The following VASH1 variants were observed in gnomAD, a reference collection of about 807,000 sequenced individuals.
The protein encoded by VASH1 is tubulinyl-Tyr carboxypeptidase 1.
Under a neutral mutation model 35.0 loss-of-function variants are expected in VASH1, and 16 were observed. That is an observed-to-expected ratio of 0.46 (90% CI 0.31 to 0.70). The LOEUF (loss-of-function observed/expected upper bound fraction) is 0.70. Among genes scored for constraint, VASH1 ranks in the 30% least tolerant of loss-of-function variants. The pLI, the probability that VASH1 is intolerant of heterozygous loss-of-function variation, is 0.05. For missense variants in VASH1, 505 were observed against 510.7 expected, an observed-to-expected ratio of 0.99 and a Z score of 0.11; for synonymous variants, 214 against 200.9, an observed-to-expected ratio of 1.07 and a Z score of -0.55.
chr14:76,763,278 G>T, intron 1 of VASH1, 148 bp downstream of exon 1: 1 of 848,280 alleles, frequency 1.2e-6, no homozygotes. Context: ...ACCTGTCTAG[G>T]AGAACTTTCT....
intron 1 of VASH1, among the ~76,000 whole-genome samples, chr14:76,766,997 C>T (rs563263614): frequency 1.7e-4 from 26 of 152,238 alleles, no homozygotes; most frequent in African/African-American, 6.0e-4. Flanking sequence ...GTAATCCCAG[C>T]ACTTTGGGAG....
chr14:76,769,512 AC>A (rs1490591623), intron 1 of VASH1: 1 of 1,285,766 alleles, frequency 7.8e-7, no homozygotes, highest in Non-Finnish European at 1.0e-6. Flanking sequence ...CCTCAGGACC[AC>A]TCCCAAAGCC....
chr14:76,765,028 C>T lies in VASH1; in HGVS notation c.309+1898C>T, dbSNP rs187775560. ...ACCTTTACTTATGTGCTTTATCAAG[C>T]GGCAAGACTGGGTTTTGCTCAGATC... On this transcript the variant is annotated intron_variant, in intron 1 of 6. Coordinates refer to ENST00000167106, the MANE Select transcript of VASH1 (RefSeq NM_014909.5). Among the ~76,000 whole-genome samples, 46 of 152,182 alleles carry T rather than the reference C, an allele frequency of 3.0e-4. No homozygotes were observed. The East Asian group carries it at 5.4e-3, about 18-fold the overall frequency.
At chr14:76,771,099 G>C (rs752515807) in intron 2 of VASH1, 91 bp from the exon 3 acceptor site, 123 of 1,225,624 alleles carry the variant, frequency 1.0e-4, no homozygotes, top group Non-Finnish European at 1.2e-4. Flanking sequence ...CTCCCCTCCA[G>C]GAGACTTGGC....
In VASH1 at chr14:76,780,826, G is replaced by A. The variant is rs536623862; in HGVS notation, c.*1808G>A. On this transcript the variant is annotated 3_prime_UTR_variant, in exon 7 of 7. Coordinates refer to ENST00000167106, the MANE Select transcript of VASH1 (RefSeq NM_014909.5). ...CTGAAGTAGAGAGAGCTCGTGCTGGGGAGAAGTCCACCAAGATGCTTTGAG... is the reference window on the plus strand; with the variant it reads ...CTGAAGTAGAGAGAGCTCGTGCTGGAGAGAAGTCCACCAAGATGCTTTGAG... 72 of 152,350 alleles carry A rather than the reference G, an allele frequency of 4.7e-4. No homozygotes were observed. Among genetic ancestry groups the A allele is most frequent in the African/African-American group, 1.6e-3 (68 of 41,554 alleles). The allele number at this position is 152,350 out of a possible 1,614,324, so 9.4% of individuals were successfully genotyped here.
At position 76,778,007 on chromosome 14, in the gene VASH1, G is replaced by T; in HGVS notation, c.961G>T (p.Asp321Tyr). The T allele has an allele frequency of 6.5e-7, 1 of 1,548,482 alleles. No individual in the cohort carries two copies. Among genetic ancestry groups the T allele is most frequent in the Non-Finnish European group, 8.7e-7 (1 of 1,148,288 alleles). ...CTCTCCCACCAAGGACCGGAAGAAG[G>T]ATGTTTCTTCCCCGCAGCGGGCCCA... is the stretch of plus-strand genomic sequence containing the variant. ...PPSPTKDRKK[D>Y]VSSPQRAQSS... The change falls in exon 6 of 7, where the codon GAT becomes TAT. Residue 321 changes from aspartate (D) to tyrosine (Y), a missense_variant. By Grantham distance (160) the Asp-to-Tyr change is radical. Coordinates refer to ENST00000167106, the MANE Select transcript of VASH1 (RefSeq NM_014909.5).
chr14:76,765,440 C>T (rs1428909465), intron 1 of VASH1, among the ~76,000 whole-genome samples: 2 of 152,182 alleles, frequency 1.3e-5, no homozygotes, highest in Non-Finnish European at 2.9e-5. Context: ...GGTCCCTCCT[C>T]TACCTGGGCT....
chr14:76,761,505 A>C lies in VASH1; in HGVS notation c.-1317A>C, dbSNP rs969724811. ...CGAGCCTGGTGGGCGGCTGGCTGGC[A>C]GGGGACGTGGTCGGCGGCAGCGGGG... is the stretch of plus-strand genomic sequence containing the variant. On this transcript the variant is annotated 5_prime_UTR_variant, in exon 1 of 7. Coordinates refer to ENST00000167106, the MANE Select transcript of VASH1 (RefSeq NM_014909.5). The C allele has an allele frequency of 1.3e-5, 2 of 152,936 alleles. No individual in the cohort carries two copies. Among genetic ancestry groups the C allele is most frequent in the Non-Finnish European group, 2.9e-5 (2 of 68,144 alleles). 9.5% of individuals were successfully genotyped at this position (152,936 alleles called of 1,614,324 possible). A position where few individuals can be genotyped will look rare whatever the true frequency, so the allele number is the denominator to read the frequency against.
Position 76,778,051 on chromosome 14 carries a change from G to T in VASH1, c.1005G>T (p.Arg335Ser). The change falls in exon 6 of 7, where the codon AGG becomes AGT. Residue 335 changes from arginine (R) to serine (S), a missense_variant. By Grantham distance (110) the Arg-to-Ser change is moderately radical. Coordinates refer to ENST00000167106, the MANE Select transcript of VASH1 (RefSeq NM_014909.5). Reference protein sequence around the residue: ...PQRAQSSPHRRNSRSERRPSG... With the variant: ...PQRAQSSPHRSNSRSERRPSG... ...GGGCCCAGTCCAGCCCCCACCGCAG[G>T]AACAGCCGCAGTGAAAGACGGTGAG... 1 of 1,511,512 alleles carries T rather than the reference G, an allele frequency of 6.6e-7. No individual in the cohort carries two copies. Among genetic ancestry groups the T allele is most frequent in the South Asian group, 1.3e-5 (1 of 77,702 alleles). 93.6% of individuals were successfully genotyped at this position (1,511,512 alleles called of 1,614,324 possible).
Position 76,768,496 on chromosome 14 carries a change from C to A in VASH1, c.310-1467C>A, listed in dbSNP as rs140827069. Among the ~76,000 whole-genome samples, 563 of 152,186 alleles carry A rather than the reference C, an allele frequency of 3.7e-3. 2 individuals carry two copies. Among genetic ancestry groups the A allele is most frequent in the African/African-American group, 0.013 (544 of 41,524 alleles). On this transcript the variant is annotated intron_variant, in intron 1 of 6. Coordinates refer to ENST00000167106, the MANE Select transcript of VASH1 (RefSeq NM_014909.5). ...CGACGCTGTGGCCCTGGACCAGGGC[C>A]CCTTCCCTCCTGCGTCTCCACCCCT...
At chr14:76,767,010 C>T (rs1403691771) in intron 1 of VASH1, among the ~76,000 whole-genome samples, 2 of 151,976 alleles carry the variant, frequency 1.3e-5, no homozygotes, top group Non-Finnish European at 2.9e-5. Flanking sequence ...TTTGGGAGGT[C>T]GAAGCAGGTG....
chr14:76,763,586 C>T (rs1442786530), intron 1 of VASH1, among the ~76,000 whole-genome samples: 2 of 152,164 alleles, frequency 1.3e-5, no homozygotes, highest in African/African-American at 2.4e-5. Context: ...AGTTTGGATT[C>T]CCATTTTACA....
At position 76,777,962 on chromosome 14, in the gene VASH1, G is replaced by A; in HGVS notation, c.916G>A (p.Gly306Ser). 1 of 1,518,694 alleles carries A rather than the reference G, an allele frequency of 6.6e-7. No individual in the cohort carries two copies. Among genetic ancestry groups the A allele is most frequent in the Non-Finnish European group, 8.8e-7 (1 of 1,134,352 alleles). 94.1% of individuals were successfully genotyped at this position (1,518,694 alleles called of 1,614,324 possible). Residue 306 changes from glycine (G) to serine (S), a missense_variant, in exon 6 of 7, where the codon GGC becomes AGC. Coordinates refer to ENST00000167106, the MANE Select transcript of VASH1 (RefSeq NM_014909.5). Reference protein sequence around the residue: ...RHARDMRLKIGKGTGPPSPTK... With the variant: ...RHARDMRLKISKGTGPPSPTK... ...TTGCTTCCTCCTCTGCACCTAGATT[G>A]GCAAAGGGACGGGCCCTCCCTCTCC...
At chr14:76,775,335 G>A (rs1411743369) in intron 4 of VASH1, among the ~76,000 whole-genome samples, 4 of 152,124 alleles carry the variant, frequency 2.6e-5, no homozygotes, top group African/African-American at 7.2e-5. Flanking sequence ...CTGGAGAGGT[G>A]AGCAGGTGGG....
At position 76,763,130 on chromosome 14, in the gene VASH1, G is replaced by A; in HGVS notation, c.309G>A (p.Lys103=). 1.4e-6 allele frequency: 2 copies of A among 1,467,752 alleles called. No homozygotes were observed. Among genetic ancestry groups the A allele is most frequent in the South Asian group, 2.9e-5 (2 of 68,488 alleles). 90.9% of individuals were successfully genotyped at this position (1,467,752 alleles called of 1,614,324 possible). ...QRIRGATDLP[K]IPIPSVPTFQ... Reference sequence around the variant, plus strand: ...TCCGTGGGGCCACAGACCTGCCCAAGGTGAGACACACGGGTCAGGGGGGTG... The same window carrying A: ...TCCGTGGGGCCACAGACCTGCCCAAAGTGAGACACACGGGTCAGGGGGGTG... The change falls in exon 1 of 7, where the codon AAG becomes AAA. Residue 103 remains lysine, a splice_region_variant and synonymous_variant. Transcript: ENST00000167106.
chr14:76,771,060 G>C (rs865947682), intron 2 of VASH1, 130 bp from the exon 3 acceptor site: 1 of 721,278 alleles, frequency 1.4e-6, no homozygotes, highest in East Asian at 3.1e-5. Context: ...GGCGTGAGGC[G>C]GGGAGAAGAA....
intron 6 of VASH1, 93 bp downstream of exon 6, chr14:76,778,164 A>T: frequency 2.1e-6 from 2 of 940,738 alleles, no homozygotes; most frequent in Non-Finnish European, 1.4e-6. Flanking sequence ...TCTCTCTCCC[A>T]CCCTTCTCTC....
intron 4 of VASH1, among the ~76,000 whole-genome samples, chr14:76,775,292 G>C (rs1436095874): frequency 6.6e-6 from 1 of 152,184 alleles, no homozygotes. Context: ...GGAAAAGGCC[G>C]GTGTGAGAAA....
At chr14:76,778,848 T>C (rs1595280776) in intron 6 of VASH1, 98 bp from the exon 7 acceptor site, 6 of 1,190,032 alleles carry the variant, frequency 5.0e-6, no homozygotes, top group Non-Finnish European at 6.3e-6. Flanking sequence ...TTGGAGAATG[T>C]GGCGGGGAAG....
Sources: allele counts gnomAD v4.1 joint callset (sites outside exome capture counted in the v4.1 genomes callset), GRCh38; gene constraint gnomAD v4.1.1; transcripts MANE v1.5; gene names NCBI Gene and HGNC (gene_info 2026-07-23, HGNC 2026-07-21).